The following LRRTM4 variants were observed in gnomAD, a reference collection of about 807,000 sequenced individuals.
LRRTM4 encodes leucine rich repeat transmembrane neuronal 4.
Under a neutral mutation model 47.6 loss-of-function variants are expected in LRRTM4, and 25 were observed. That is an observed-to-expected ratio of 0.53 (90% CI 0.38 to 0.73). The LOEUF (loss-of-function observed/expected upper bound fraction) is 0.73, where lower values mean the gene tolerates loss of function less well. Ranked by LOEUF, LRRTM4 falls within the 30% of genes least tolerant of loss-of-function variation. LRRTM4 has a pLI of 0.00. For synonymous variants in LRRTM4, 311 were observed against 269.5 expected (o/e 1.15, Z -1.51); for missense variants, 638 against 713.4 (o/e 0.89, Z 1.20).
chr2:77,493,220 A>C (rs1391838174), intron 3 of LRRTM4, among the ~76,000 whole-genome samples: 1 of 152,100 alleles, frequency 6.6e-6, no homozygotes, highest in Non-Finnish European at 1.5e-5. Flanking sequence ...TTAAAAACTA[A>C]AATTTGCTCT....
chr2:76,955,742 C>G (rs752047116), intron 3 of LRRTM4, among the ~76,000 whole-genome samples: 108 of 151,672 alleles, frequency 7.1e-4, no homozygotes, highest in Admixed American at 1.7e-3. Flanking sequence ...TCACTCTCCA[C>G]TTGGGGAGGG....
chr2:76,751,072 C>T lies in LRRTM4; in HGVS notation c.1552-2156G>A, dbSNP rs148967712. ...GTGCATATCAATGTGTGTACTGGGA[C>T]ACATTTTGAAGTTTGAAAATTGGGA... On this transcript the variant is annotated intron_variant, in intron 3 of 3. Transcript: ENST00000409884. Among the ~76,000 whole-genome samples the T allele has an allele frequency of 3.6e-3, 553 of 152,248 alleles. 6 individuals carry two copies. Among genetic ancestry groups the T allele is most frequent in the African/African-American group, 0.012 (518 of 41,560 alleles).
At chr2:76,903,801 T>A in intron 3 of LRRTM4, among the ~76,000 whole-genome samples, 1 of 152,218 alleles carries the variant, frequency 6.6e-6, no homozygotes, top group Non-Finnish European at 1.5e-5. Context: ...CAGTTACTAA[T>A]AAGCTGATCA....
At chr2:77,477,580 C>G (rs973369622) in intron 3 of LRRTM4, among the ~76,000 whole-genome samples, 1 of 151,874 alleles carries the variant, frequency 6.6e-6, no homozygotes, top group Non-Finnish European at 1.5e-5. Flanking sequence ...CAGTGGCTCA[C>G]GCCTGTAATC....
intron 3 of LRRTM4, among the ~76,000 whole-genome samples, chr2:77,267,642 C>A (rs1676083154): frequency 6.6e-6 from 1 of 152,154 alleles, no homozygotes; most frequent in African/African-American, 2.4e-5. Context: ...CTTCATAACA[C>A]CATTAGAGCC....
At chr2:77,091,269 A>G (rs1002683490) in intron 3 of LRRTM4, among the ~76,000 whole-genome samples, 12 of 149,694 alleles carry the variant, frequency 8.0e-5, no homozygotes, top group African/African-American at 1.5e-4. Flanking sequence ...ACCCACAAGT[A>G]TAAGATACCT....
At chr2:77,280,972 CT>C (rs1340708366) in intron 3 of LRRTM4, among the ~76,000 whole-genome samples, 5 of 151,912 alleles carry the variant, frequency 3.3e-5, no homozygotes, top group African/African-American at 9.7e-5. Context: ...CTAATACCCC[CT>C]GATCTATTAA....
intron 3 of LRRTM4, among the ~76,000 whole-genome samples, chr2:76,947,903 A>G (rs543100016): frequency 6.6e-6 from 1 of 151,968 alleles, no homozygotes; most frequent in African/African-American, 2.4e-5. Flanking sequence ...CGACTCCCCA[A>G]ATCAAAAAGA....
intron 3 of LRRTM4, among the ~76,000 whole-genome samples, chr2:77,054,275 C>A (rs1679531951): frequency 6.6e-6 from 1 of 151,166 alleles, no homozygotes; most frequent in Non-Finnish European, 1.5e-5. Flanking sequence ...CCAGCAAACT[C>A]TTCAAAAATA....
intron 3 of LRRTM4, among the ~76,000 whole-genome samples, chr2:76,886,372 A>C (rs1006006068): frequency 3.3e-5 from 5 of 152,106 alleles, no homozygotes; most frequent in Admixed American, 6.6e-5. Context: ...ATGGTGCATA[A>C]ATTTTCTTAA....
chr2:76,803,044 G>T (rs111897768), intron 3 of LRRTM4, among the ~76,000 whole-genome samples: 2 of 152,072 alleles, frequency 1.3e-5, no homozygotes, highest in Admixed American at 6.6e-5. Context: ...TCTGGGTAAT[G>T]ATTTATTTTT....
chr2:77,466,275 A>T (rs577318082), intron 3 of LRRTM4, among the ~76,000 whole-genome samples: 1 of 152,344 alleles, frequency 6.6e-6, no homozygotes, highest in East Asian at 1.9e-4. Flanking sequence ...TGATTTCTAA[A>T]AGACCCCAAA....
At chr2:76,969,627 C>CA (rs1192753767) in intron 3 of LRRTM4, among the ~76,000 whole-genome samples, 14 of 151,196 alleles carry the variant, frequency 9.3e-5, no homozygotes, top group South Asian at 4.2e-4. Flanking sequence ...TTTCTAACAA[C>CA]AAAAAAAATG....
intron 3 of LRRTM4, among the ~76,000 whole-genome samples, chr2:76,891,900 C>A (rs545135904): frequency 6.6e-5 from 10 of 150,796 alleles, no homozygotes; most frequent in Non-Finnish European, 1.3e-4. Context: ...TGGCAAAAGT[C>A]AAAATAAAAT....
intron 3 of LRRTM4, among the ~76,000 whole-genome samples, chr2:77,365,724 A>C (rs2103756106): frequency 6.6e-6 from 1 of 151,436 alleles, no homozygotes; most frequent in African/African-American, 2.4e-5. Context: ...TATATCAGAA[A>C]ATTTTACTAC....
chr2:77,369,578 A>G (rs1273611809), intron 3 of LRRTM4, among the ~76,000 whole-genome samples: 2 of 151,742 alleles, frequency 1.3e-5, no homozygotes, highest in Non-Finnish European at 2.9e-5. Flanking sequence ...GAGATAATAG[A>G]TATGTTAATT....
At chr2:77,011,185 T>A (rs1470551458) in intron 3 of LRRTM4, among the ~76,000 whole-genome samples, 1 of 152,132 alleles carries the variant, frequency 6.6e-6, no homozygotes, top group East Asian at 1.9e-4. Flanking sequence ...TTTAACACAG[T>A]TTAGCCCAAT....
chr2:76,837,145 TG>T (rs1671537716), intron 3 of LRRTM4, among the ~76,000 whole-genome samples: 2 of 152,202 alleles, frequency 1.3e-5, no homozygotes. Flanking sequence ...TATCCATTTC[TG>T]TTAGATTTTC....
intron 3 of LRRTM4, among the ~76,000 whole-genome samples, chr2:76,905,220 G>A (rs1573290386): frequency 6.6e-6 from 1 of 152,280 alleles, no homozygotes; most frequent in African/African-American, 2.4e-5. Context: ...AGACACCGCT[G>A]CTGATACCCA....
Sources: allele counts gnomAD v4.1 joint callset (sites outside exome capture counted in the v4.1 genomes callset), GRCh38; gene constraint gnomAD v4.1.1; transcripts MANE v1.5; gene names NCBI Gene and HGNC (gene_info 2026-07-23, HGNC 2026-07-21).